Variants in SPAG16 observed in about 807,000 individuals in gnomAD.
The protein encoded by SPAG16 is sperm-associated antigen 16 protein.
Under a neutral mutation model 80.4 loss-of-function variants are expected in SPAG16, and 86 were observed. That is an observed-to-expected ratio of 1.07 (90% CI 0.90 to 1.28). The LOEUF (loss-of-function observed/expected upper bound fraction) is 1.28. SPAG16 is among the 50% of genes most tolerant of loss of function. SPAG16 has a pLI of 0.00. For missense variants in SPAG16, 870 were observed against 765.3 expected (o/e 1.14, Z -1.61); for synonymous variants, 294 against 265.9 (o/e 1.11, Z -1.03).
At chr2:213,975,616 C>T (rs780035779) in intron 12 of SPAG16, among the ~76,000 whole-genome samples, 17 of 150,294 alleles carry the variant, frequency 1.1e-4, no homozygotes, top group Non-Finnish European at 1.8e-4. Flanking sequence ...AATAATGTAG[C>T]GGGGAAAACA....
chr2:214,291,774 A>G (rs919587772), intron 15 of SPAG16, among the ~76,000 whole-genome samples: 7 of 151,602 alleles, frequency 4.6e-5, no homozygotes, highest in South Asian at 2.1e-4. Flanking sequence ...TTCATTTGCT[A>G]TTGTGGTTAG....
intron 10 of SPAG16, among the ~76,000 whole-genome samples, chr2:213,493,569 T>A (rs1487235740): frequency 6.6e-6 from 1 of 152,054 alleles, no homozygotes; most frequent in East Asian, 1.9e-4. Context: ...ACTAGTTGTT[T>A]GTTTGTTTGT....
chr2:213,894,151 C>T (rs753670133), intron 11 of SPAG16, among the ~76,000 whole-genome samples: 1 of 152,030 alleles, frequency 6.6e-6, no homozygotes. Context: ...GCCAAAAGTG[C>T]CCACTGTATA....
At chr2:214,282,025 CATT>C (rs1692981958) in intron 15 of SPAG16, among the ~76,000 whole-genome samples, 1 of 152,116 alleles carries the variant, frequency 6.6e-6, no homozygotes. Flanking sequence ...TCTAATCTCT[CATT>C]ATAAAGGAGA....
chr2:213,426,182 A>C (rs980301149), intron 9 of SPAG16, among the ~76,000 whole-genome samples: 4 of 152,216 alleles, frequency 2.6e-5, no homozygotes, highest in African/African-American at 4.8e-5. Flanking sequence ...TTATTGAAGA[A>C]GGACACTAAT....
At chr2:213,884,330 G>T (rs528270925) in intron 11 of SPAG16, among the ~76,000 whole-genome samples, 3 of 152,278 alleles carry the variant, frequency 2.0e-5, no homozygotes, top group African/African-American at 7.2e-5. Context: ...GCTAAAAATT[G>T]TCCCAGAATC....
intron 13 of SPAG16, among the ~76,000 whole-genome samples, chr2:214,067,553 G>T (rs528009287): frequency 4.0e-5 from 6 of 151,152 alleles, no homozygotes; most frequent in Admixed American, 2.0e-4. Flanking sequence ...TTACTATTGC[G>T]TACACTTATA....
intron 13 of SPAG16, among the ~76,000 whole-genome samples, chr2:214,027,411 G>A (rs1039243240): frequency 6.6e-6 from 1 of 151,568 alleles, no homozygotes; most frequent in African/African-American, 2.4e-5. Flanking sequence ...ATGAATATTT[G>A]GATGGTTTCT....
intron 11 of SPAG16, among the ~76,000 whole-genome samples, chr2:213,885,957 A>G (rs1306032723): frequency 2.0e-5 from 3 of 152,206 alleles, no homozygotes; most frequent in African/African-American, 7.2e-5. Context: ...AGACCAAAAT[A>G]TACAGGAGAA....
chr2:213,346,652 C>G (rs963917366), intron 6 of SPAG16, among the ~76,000 whole-genome samples: 17 of 152,238 alleles, frequency 1.1e-4, no homozygotes, highest in African/African-American at 4.1e-4. Context: ...TGTTTTTTGT[C>G]ATTGGCTCTG....
intron 10 of SPAG16, among the ~76,000 whole-genome samples, chr2:213,620,285 T>TG: frequency 4.2e-5 from 3 of 71,226 alleles, no homozygotes; most frequent in South Asian, 4.4e-4. Context: ...TATTGAGTTT[T>TG]TTTTTTTTTT....
intron 5 of SPAG16, among the ~76,000 whole-genome samples, chr2:213,320,273 A>C (rs1015653337): frequency 6.6e-6 from 1 of 151,996 alleles, no homozygotes; most frequent in African/African-American, 2.4e-5. Flanking sequence ...ATATTTTGAT[A>C]CATATGTATC....
intron 11 of SPAG16, among the ~76,000 whole-genome samples, chr2:213,914,522 T>A (rs555222142): frequency 6.6e-6 from 1 of 152,292 alleles, no homozygotes; most frequent in East Asian, 1.9e-4. Context: ...TCAAAATATA[T>A]GCACAGCACA....
intron 10 of SPAG16, among the ~76,000 whole-genome samples, chr2:213,760,522 A>G (rs1395493203): frequency 6.7e-6 from 1 of 149,100 alleles, no homozygotes; most frequent in Non-Finnish European, 1.5e-5. Context: ...AAAAAAAAAC[A>G]AAGATAAATA....
intron 15 of SPAG16, among the ~76,000 whole-genome samples, chr2:214,272,011 T>C (rs1277687743): frequency 3.9e-5 from 6 of 152,138 alleles, no homozygotes; most frequent in Non-Finnish European, 8.8e-5. Context: ...GAATAATTCT[T>C]ATAAGGAAAT....
chr2:213,314,846 A>T (rs1474171832), intron 4 of SPAG16, among the ~76,000 whole-genome samples: 1 of 151,884 alleles, frequency 6.6e-6, no homozygotes. Flanking sequence ...CCTAGTACAG[A>T]TTACTTACTG....
intron 9 of SPAG16, among the ~76,000 whole-genome samples, chr2:213,468,386 GATAT>G (rs772576031): frequency 2.9e-5 from 4 of 135,736 alleles, no homozygotes; most frequent in African/African-American, 8.4e-5. Flanking sequence ...TATATATATA[GATAT>G]ATATATATAT....
At chr2:214,195,803 A>G (rs1416805013) in intron 15 of SPAG16, among the ~76,000 whole-genome samples, 1 of 152,014 alleles carries the variant, frequency 6.6e-6, no homozygotes, top group Non-Finnish European at 1.5e-5. Flanking sequence ...AAAACTAGCT[A>G]TGGAAGTCTA....
At chr2:214,047,557 A>C (rs2049399072) in intron 13 of SPAG16, among the ~76,000 whole-genome samples, 1 of 152,202 alleles carries the variant, frequency 6.6e-6, no homozygotes, top group Admixed American at 6.5e-5. Context: ...TGGATTAAAG[A>C]CTTAAATATA....
Sources: allele counts gnomAD v4.1 joint callset (sites outside exome capture counted in the v4.1 genomes callset), GRCh38; gene constraint gnomAD v4.1.1; transcripts MANE v1.5; gene names NCBI Gene and HGNC (gene_info 2026-07-23, HGNC 2026-07-21).